FGF12: variants seen among roughly 807,000 people sequenced by gnomAD.
FGF12 encodes fibroblast growth factor 12.
FGF12 carries 14 observed loss-of-function variants against 23.6 expected under a neutral mutation model. That is an observed-to-expected ratio of 0.59 (90% confidence interval 0.39 to 0.93). The LOEUF (loss-of-function observed/expected upper bound fraction) is 0.93. Ranked by LOEUF, FGF12 falls within the 40% of genes least tolerant of loss-of-function variation. The pLI, the probability that FGF12 is intolerant of heterozygous loss-of-function variation, is 0.00. For missense variants in FGF12, 175 were observed against 217.8 expected, an observed-to-expected ratio of 0.80 and a Z score of 1.24; for synonymous variants, 62 against 77.3, an observed-to-expected ratio of 0.80 and a Z score of 1.04.
intron 4 of FGF12, among the ~76,000 whole-genome samples, chr3:192,284,351 A>G (rs1191094962): frequency 6.6e-6 from 1 of 152,080 alleles, no homozygotes; most frequent in Admixed American, 6.6e-5. Flanking sequence ...GGTTAATATA[A>G]TTCTTTGAGA....
intron 2 of FGF12, among the ~76,000 whole-genome samples, chr3:192,555,230 A>T (rs151238944): frequency 1.4e-4 from 21 of 152,304 alleles, no homozygotes; most frequent in African/African-American, 5.1e-4. Flanking sequence ...GAAATCTATA[A>T]CAAGCCACAT....
intron 2 of FGF12, among the ~76,000 whole-genome samples, chr3:192,375,230 A>G (rs1429457352): frequency 6.6e-6 from 1 of 151,978 alleles, no homozygotes; most frequent in Non-Finnish European, 1.5e-5. Context: ...TTTAACTTTA[A>G]TTTTCTGATT....
chr3:192,565,314 T>G (rs73203332), intron 2 of FGF12, among the ~76,000 whole-genome samples: 2 of 152,372 alleles, frequency 1.3e-5, no homozygotes, highest in Non-Finnish European at 2.9e-5. Context: ...CAAAATAATT[T>G]GCATTCTATC....
intron 2 of FGF12, among the ~76,000 whole-genome samples, chr3:192,412,087 A>G (rs1370996693): frequency 1.3e-5 from 2 of 152,172 alleles, no homozygotes; most frequent in African/African-American, 4.8e-5. Context: ...ATTCTTCACA[A>G]TTTCTCCAGG....
At chr3:192,391,828 T>C (rs1327862338) in intron 2 of FGF12, among the ~76,000 whole-genome samples, 1 of 152,198 alleles carries the variant, frequency 6.6e-6, no homozygotes, top group Non-Finnish European at 1.5e-5. Context: ...TCAATATTAC[T>C]TCTATAGATG....
Position 192,727,299 on chromosome 3 carries a change from ACTTC to A in FGF12, c.-110_-107del, listed in dbSNP as rs1469078011. Reference sequence around the variant, plus strand: ...AAGCCAATCTGATGATTTCGCCCGTACTTCCTTCCTTCCCCTCAGGCTTCCTGAA... The same window carrying A: ...AAGCCAATCTGATGATTTCGCCCGTACTTCCTTCCCCTCAGGCTTCCTGAA... On this transcript the variant is annotated 5_prime_UTR_variant, in exon 2 of 6. Coordinates refer to ENST00000445105, the MANE Select transcript of FGF12 (RefSeq NM_004113.6). The A allele has an allele frequency of 1.4e-5, 21 of 1,551,606 alleles. No individual in the cohort carries two copies. The highest frequency in any genetic ancestry group is 1.7e-5 in the Non-Finnish European group (20 of 1,147,038).
intron 4 of FGF12, among the ~76,000 whole-genome samples, chr3:192,277,348 C>T (rs939441800): frequency 1.3e-5 from 2 of 151,608 alleles, no homozygotes; most frequent in Non-Finnish European, 2.9e-5. Flanking sequence ...TCATAAAACA[C>T]TTATTACTTT....
intron 2 of FGF12, among the ~76,000 whole-genome samples, chr3:192,425,724 G>A (rs763687288): frequency 3.3e-5 from 5 of 152,138 alleles, no homozygotes; most frequent in Non-Finnish European, 5.9e-5. Flanking sequence ...CATCCTAAAG[G>A]CAACAGAGAG....
At chr3:192,330,110 T>C (rs957041996) in intron 4 of FGF12, among the ~76,000 whole-genome samples, 7 of 152,162 alleles carry the variant, frequency 4.6e-5, no homozygotes, top group African/African-American at 1.7e-4. Context: ...CCCATGTTTA[T>C]GAATCAGAAA....
intron 2 of FGF12, among the ~76,000 whole-genome samples, chr3:192,476,588 T>G (rs570546251): frequency 4.7e-4 from 72 of 152,338 alleles, no homozygotes; most frequent in African/African-American, 1.6e-3. Context: ...TGACTTTTCA[T>G]GGAATTACCT....
chr3:192,181,683 T>C (rs867481260), intron 4 of FGF12, among the ~76,000 whole-genome samples: 1 of 149,246 alleles, frequency 6.7e-6, no homozygotes, highest in Non-Finnish European at 1.5e-5. Flanking sequence ...CAGACTGGAG[T>C]GCAGTAGCGG....
At chr3:192,397,213 G>T (rs986117085) in intron 2 of FGF12, among the ~76,000 whole-genome samples, 3 of 152,202 alleles carry the variant, frequency 2.0e-5, no homozygotes, top group Admixed American at 6.5e-5. Flanking sequence ...AGAATGTGGA[G>T]GCGGCCTGGC....
At chr3:192,530,685 A>G (rs1252392903) in intron 2 of FGF12, among the ~76,000 whole-genome samples, 1 of 152,240 alleles carries the variant, frequency 6.6e-6, no homozygotes, top group Non-Finnish European at 1.5e-5. Context: ...ACTAATGGGC[A>G]TGGAGTTTTT....
At chr3:192,625,273 A>G (rs1319962918) in intron 2 of FGF12, among the ~76,000 whole-genome samples, 1 of 152,140 alleles carries the variant, frequency 6.6e-6, no homozygotes, top group Admixed American at 6.6e-5. Flanking sequence ...TATTATACCA[A>G]TTCTCATACT....
At chr3:192,310,971 C>T (rs1006250080) in intron 4 of FGF12, among the ~76,000 whole-genome samples, 1 of 152,058 alleles carries the variant, frequency 6.6e-6, no homozygotes, top group Non-Finnish European at 1.5e-5. Context: ...CCTCTCCAAT[C>T]GTGAAGAAAT....
chr3:192,593,545 A>G (rs983642931), intron 2 of FGF12, among the ~76,000 whole-genome samples: 3 of 152,002 alleles, frequency 2.0e-5, no homozygotes, highest in African/African-American at 7.2e-5. Flanking sequence ...ACAGATACTC[A>G]ATAAATGTTT....
chr3:192,209,591 T>C (rs1717827195), intron 4 of FGF12, among the ~76,000 whole-genome samples: 1 of 152,248 alleles, frequency 6.6e-6, no homozygotes, highest in South Asian at 2.1e-4. Flanking sequence ...TTTGTCATTC[T>C]GAATTTTCTA....
At chr3:192,668,895 GAACC>G (rs1439252902) in intron 2 of FGF12, among the ~76,000 whole-genome samples, 1 of 152,120 alleles carries the variant, frequency 6.6e-6, no homozygotes, top group Non-Finnish European at 1.5e-5. Context: ...AGGAGGATTA[GAACC>G]CTCAGAGAAA....
chr3:192,569,502 G>A (rs1473768486), intron 2 of FGF12, among the ~76,000 whole-genome samples: 2 of 152,218 alleles, frequency 1.3e-5, no homozygotes, highest in Non-Finnish European at 2.9e-5. Context: ...GTGACATATA[G>A]CTATTGTGCT....
Sources: allele counts gnomAD v4.1 joint callset (sites outside exome capture counted in the v4.1 genomes callset), GRCh38; gene constraint gnomAD v4.1.1; transcripts MANE v1.5; gene names NCBI Gene and HGNC (gene_info 2026-07-23, HGNC 2026-07-21).